PRR5L: variants seen among roughly 807,000 people sequenced by gnomAD.
The protein encoded by PRR5L is proline-rich protein 5-like.
In PRR5L, 21 loss-of-function variants were observed where a neutral mutation model predicts 36.4. That is an observed-to-expected ratio of 0.58 (90% CI 0.41 to 0.83). The LOEUF (loss-of-function observed/expected upper bound fraction) is 0.83, where lower values mean the gene tolerates loss of function less well. PRR5L is among the 40% of genes least tolerant of loss of function. The pLI is 0.00. For synonymous variants in PRR5L, 188 were observed against 197.0 expected (o/e 0.95, Z 0.38); for missense variants, 381 against 473.3 (o/e 0.80, Z 1.81).
chr11:36,356,129 C>G (rs1857025483), intron 1 of PRR5L, among the ~76,000 whole-genome samples: 1 of 152,092 alleles, frequency 6.6e-6, no homozygotes, highest in East Asian at 1.9e-4. Context: ...CTGGGCTGGT[C>G]TCGACCTCCT....
chr11:36,374,899 C>T (rs781343781), intron 1 of PRR5L, among the ~76,000 whole-genome samples: 2 of 152,072 alleles, frequency 1.3e-5, no homozygotes, highest in Non-Finnish European at 2.9e-5. Flanking sequence ...GCTCTTAATC[C>T]CTTAGACGAG....
At position 36,462,378 on chromosome 11, in the gene PRR5L, T is replaced by C; in HGVS notation, c.749T>C (p.Val250Ala). 1.3e-6 allele frequency: 2 copies of C among 1,547,044 alleles called. No homozygotes were observed. The highest frequency in any genetic ancestry group is 1.7e-6 in the Non-Finnish European group (2 of 1,144,526). Residue 250 changes from valine to alanine, a missense_variant, in exon 9 of 9, where the codon GTC (valine) becomes GCC (alanine). By Grantham distance (64) the Val-to-Ala change is moderately conservative (BLOSUM62 0). Transcript: ENST00000530639. The stretch of plus-strand genomic sequence containing the variant: ...TCCAGGGTCCGGCCCAAGGTGACTG[T>C]CCTGAACTATGCCTCCCCGATAACC... ...RHSRVRPKVT[V>A]LNYASPITAV...
intron 1 of PRR5L, among the ~76,000 whole-genome samples, chr11:36,301,677 G>T (rs1377159784): frequency 6.6e-6 from 1 of 152,252 alleles, no homozygotes; most frequent in South Asian, 2.1e-4. Context: ...TGGGAGAGGA[G>T]AGCAGAGGGG....
chr11:36,358,944 T>G (rs1348374761), intron 1 of PRR5L, among the ~76,000 whole-genome samples: 1 of 152,212 alleles, frequency 6.6e-6, no homozygotes, highest in Non-Finnish European at 1.5e-5. Flanking sequence ...GCATTTTACT[T>G]ATTGACAATC....
chr11:36,355,473 C>T (rs1012618107), intron 1 of PRR5L, among the ~76,000 whole-genome samples: 3 of 151,992 alleles, frequency 2.0e-5, no homozygotes, highest in Non-Finnish European at 4.4e-5. Flanking sequence ...GCTTAAGGGA[C>T]CCAGTTAGTG....
chr11:36,445,444 G>A (rs912577891), intron 6 of PRR5L, among the ~76,000 whole-genome samples: 5 of 152,184 alleles, frequency 3.3e-5, no homozygotes, highest in Non-Finnish European at 7.3e-5. Context: ...TCTGTGAAAT[G>A]GGTTTGGCTC....
intron 1 of PRR5L, among the ~76,000 whole-genome samples, chr11:36,366,419 A>T (rs1554988690): frequency 0.011 from 1,613 of 151,852 alleles, 16 homozygotes; most frequent in South Asian, 0.025. Flanking sequence ...TGTGTGAGAG[A>T]GAGAGAGAGA....
chr11:36,328,374 G>T (rs554458750), intron 1 of PRR5L, among the ~76,000 whole-genome samples: 2 of 152,172 alleles, frequency 1.3e-5, no homozygotes, highest in East Asian at 3.9e-4. Context: ...TGATCATGGG[G>T]GCGCATTTAC....
chr11:36,431,276 A>G (rs550819332), intron 4 of PRR5L, among the ~76,000 whole-genome samples: 9 of 152,258 alleles, frequency 5.9e-5, no homozygotes, highest in African/African-American at 2.2e-4. Context: ...GAGATGAAGG[A>G]TATAAATCTT....
At chr11:36,447,124 T>C (rs1858847483) in intron 7 of PRR5L, among the ~76,000 whole-genome samples, 1 of 152,244 alleles carries the variant, frequency 6.6e-6, no homozygotes, top group Non-Finnish European at 1.5e-5. Flanking sequence ...CTAACACATA[T>C]TGGTCCTTGG....
intron 1 of PRR5L, among the ~76,000 whole-genome samples, chr11:36,399,139 G>A (rs369326101): frequency 3.1e-5 from 4 of 127,454 alleles, no homozygotes; most frequent in African/African-American, 8.9e-5. Flanking sequence ...ATCTTTCCAC[G>A]TTGCAGTGGC....
intron 1 of PRR5L, among the ~76,000 whole-genome samples, chr11:36,307,082 A>G (rs896276945): frequency 6.6e-6 from 1 of 152,206 alleles, no homozygotes; most frequent in Non-Finnish European, 1.5e-5. Context: ...CCAGGGGGCG[A>G]CAAATCTAAA....
chr11:36,314,750 C>T (rs946442399), intron 1 of PRR5L, among the ~76,000 whole-genome samples: 2 of 152,218 alleles, frequency 1.3e-5, no homozygotes, highest in African/African-American at 4.8e-5. Context: ...GAAGACGGCG[C>T]TTTCCTTAAG....
At chr11:36,309,937 GT>G (rs1186272689) in intron 1 of PRR5L, among the ~76,000 whole-genome samples, 1 of 608 alleles carries the variant, frequency 1.6e-3, no homozygotes, top group Non-Finnish European at 0.1. Flanking sequence ...TTGACTCCAT[GT>G]CAAAGAATGA....
intron 3 of PRR5L, among the ~76,000 whole-genome samples, chr11:36,414,054 T>C (rs1858087895): frequency 6.7e-6 from 1 of 148,414 alleles, no homozygotes; most frequent in Admixed American, 6.6e-5. Context: ...ATCATTTTTT[T>C]ATGGCTGCAT....
intron 6 of PRR5L, among the ~76,000 whole-genome samples, chr11:36,440,719 T>G (rs1301648484): frequency 6.6e-6 from 1 of 152,120 alleles, no homozygotes; most frequent in Non-Finnish European, 1.5e-5. Flanking sequence ...AAAAGAGGCT[T>G]GTTTGGCTCA....
Position 36,390,849 on chromosome 11 carries a change from G to A in PRR5L, c.-125-10148G>A, listed in dbSNP as rs59821549. Among the ~76,000 whole-genome samples the A allele has an allele frequency of 5.8e-3, 888 of 152,280 alleles. 6 individuals are homozygous for A. The highest frequency in any genetic ancestry group is 0.02 in the African/African-American group (830 of 41,552). ...GCCTCACAGTTGGCAGTCAGTAAAT[G>A]GTGCTATCATGATCATCAAGGTTGT... On this transcript the variant is annotated intron_variant, in intron 1 of 8. Transcript: ENST00000530639.
intron 3 of PRR5L, among the ~76,000 whole-genome samples, chr11:36,415,822 A>T (rs1371529151): frequency 6.6e-6 from 1 of 152,238 alleles, no homozygotes; most frequent in Non-Finnish European, 1.5e-5. Flanking sequence ...GGAGCTATAT[A>T]TTTCAATTCT....
intron 1 of PRR5L, among the ~76,000 whole-genome samples, chr11:36,370,813 G>A (rs1367072451): frequency 6.9e-6 from 1 of 145,946 alleles, no homozygotes; most frequent in Non-Finnish European, 1.5e-5. Context: ...CCCCGGAGGT[G>A]GAGGTTGCAG....
Sources: allele counts gnomAD v4.1 joint callset (sites outside exome capture counted in the v4.1 genomes callset), GRCh38; gene constraint gnomAD v4.1.1; transcripts MANE v1.5; gene names NCBI Gene and HGNC (gene_info 2026-07-23, HGNC 2026-07-21).